The following TCF7L2 variants were observed in gnomAD, a reference collection of about 807,000 sequenced individuals.
TCF7L2 encodes the protein transcription factor 7-like 2.
In TCF7L2, 23 loss-of-function variants were observed where a neutral mutation model predicts 77.9. The observed-to-expected ratio is 0.30, with a 90% CI of 0.21 to 0.42. The LOEUF is 0.42. TCF7L2 is among the 10% of genes least tolerant of loss of function. The probability of loss-of-function intolerance (pLI) is 1.00; values close to 1 mark genes in which losing one functional copy is unlikely to be tolerated. For missense variants in TCF7L2, 654 were observed against 793.1 expected (o/e 0.82, Z 2.11); for synonymous variants, 413 against 340.2 (o/e 1.21, Z -2.36).
At chr10:113,000,451 T>TA (rs1453321832) in intron 4 of TCF7L2, among the ~76,000 whole-genome samples, 2 of 152,146 alleles carry the variant, frequency 1.3e-5, no homozygotes, top group African/African-American at 2.4e-5. Context: ...GAGTGGGTCA[T>TA]AGTATGGCCG....
At chr10:112,951,666 G>T (rs939954480) in intron 3 of TCF7L2, 59 bp downstream of exon 3, 3 of 1,020,026 alleles carry the variant, frequency 2.9e-6, no homozygotes, top group Non-Finnish European at 1.2e-6. Flanking sequence ...CGCCCGCCGG[G>T]CCCCGCATGC....
At chr10:113,086,837 T>C (rs1184674261) in intron 5 of TCF7L2, among the ~76,000 whole-genome samples, 1 of 152,182 alleles carries the variant, frequency 6.6e-6, no homozygotes, top group African/African-American at 2.4e-5. Flanking sequence ...TTGAACTTTT[T>C]GTAAGACATC....
At chr10:113,003,610 C>G (rs1211604451) in intron 4 of TCF7L2, among the ~76,000 whole-genome samples, 2 of 152,238 alleles carry the variant, frequency 1.3e-5, no homozygotes, top group Non-Finnish European at 2.9e-5. Flanking sequence ...AGAGGGAACT[C>G]ATCTATCAAG....
intron 12 of TCF7L2, among the ~76,000 whole-genome samples, chr10:113,159,535 T>C (rs1283309133): frequency 6.6e-6 from 1 of 151,990 alleles, no homozygotes; most frequent in Non-Finnish European, 1.5e-5. Flanking sequence ...AGAAAAAAAA[T>C]TGAGAGAAAA....
chr10:113,158,562 A>G, intron 12 of TCF7L2, 105 bp from the exon 13 acceptor site: 1 of 1,106,402 alleles, frequency 9.0e-7, no homozygotes, highest in Non-Finnish European at 1.3e-6. Flanking sequence ...GAAATTAGAA[A>G]TACTGCATAG....
chr10:113,117,938 A>G (rs916272417), intron 5 of TCF7L2, among the ~76,000 whole-genome samples: 2 of 151,550 alleles, frequency 1.3e-5, no homozygotes, highest in African/African-American at 2.4e-5. Flanking sequence ...TACGGCACAC[A>G]AAGCGGGCAC....
intron 4 of TCF7L2, among the ~76,000 whole-genome samples, chr10:113,001,520 T>TC (rs2044476890): frequency 6.6e-6 from 1 of 152,084 alleles, no homozygotes; most frequent in African/African-American, 2.4e-5. Flanking sequence ...TTTTTTTTTT[T>TC]CCCTTCTCTT....
intron 7 of TCF7L2, among the ~76,000 whole-genome samples, chr10:113,145,107 C>T (rs928523145): frequency 7.2e-6 from 1 of 139,826 alleles, no homozygotes; most frequent in African/African-American, 2.5e-5. Flanking sequence ...TAGATAGATT[C>T]TATGCTGTTT....
chr10:113,089,279 A>G lies in TCF7L2; in HGVS notation c.552+49153A>G, dbSNP rs530450783. On this transcript the variant is annotated intron_variant, in intron 5 of 13. Transcript: ENST00000627217. ...TGCTGGGAACTGTAATCCCTCTATCATGGAGCTTCTATAGAAATGTGGGTT... is the reference window on the plus strand; with the variant it reads ...TGCTGGGAACTGTAATCCCTCTATCGTGGAGCTTCTATAGAAATGTGGGTT... The G allele has an allele frequency of 9.7e-6, 11 of 1,137,352 alleles. No individual in the cohort carries two copies. In the African/African-American group the frequency reaches 1.7e-4, roughly 18 times the overall value. 70.5% of individuals were successfully genotyped at this position (1,137,352 alleles called of 1,614,324 possible). A position where few individuals can be genotyped will look rare whatever the true frequency, so the allele number is the denominator to read the frequency against.
chr10:112,964,526 A>C (rs780459530), intron 3 of TCF7L2, 30 bp from the exon 4 acceptor site: 2 of 1,605,258 alleles, frequency 1.2e-6, no homozygotes, highest in Admixed American at 3.3e-5. Flanking sequence ...TGACATAAGC[A>C]GAACGCTTTG....
intron 5 of TCF7L2, among the ~76,000 whole-genome samples, chr10:113,109,232 T>G (rs879810092): frequency 1.3e-5 from 2 of 152,130 alleles, no homozygotes; most frequent in Non-Finnish European, 2.9e-5. Context: ...GGAGTTAGGG[T>G]CAGAAGACCT....
At chr10:113,161,265 G>A (rs1189022993) in intron 13 of TCF7L2, 2 of 403,528 alleles carry the variant, frequency 5.0e-6, no homozygotes, top group Admixed American at 4.1e-5. Flanking sequence ...GGCATTGAAC[G>A]GCATGCACCA....
At position 113,026,142 on chromosome 10, in the gene TCF7L2, G is replaced by A. The variant is rs141472209; in HGVS notation, c.451-13883G>A. On this transcript the variant is annotated intron_variant, in intron 4 of 13. Coordinates refer to ENST00000627217, the MANE Select transcript of TCF7L2 (RefSeq NM_001146274.2). ...GATCTAACCACCTCGGCCTCCAGAA[G>A]TGCTGGGATTACAGGCGTGAGCCAC... 9.9e-3 allele frequency among the ~76,000 whole-genome samples: 1,504 copies of A among 152,014 alleles called. 24 individuals carry two copies. The highest frequency in any genetic ancestry group is 0.034 in the African/African-American group (1,427 of 41,438).
chr10:113,109,547 C>G (rs112177459), intron 5 of TCF7L2, among the ~76,000 whole-genome samples: 2 of 152,102 alleles, frequency 1.3e-5, no homozygotes, highest in Admixed American at 6.6e-5. Flanking sequence ...CCTGCCACCA[C>G]GCCCAGCTAA....
chr10:113,095,595 T>C (rs1023606341), intron 5 of TCF7L2, among the ~76,000 whole-genome samples: 6 of 152,206 alleles, frequency 3.9e-5, no homozygotes, highest in South Asian at 2.1e-4. Flanking sequence ...ACTCTACTTA[T>C]CAGATGCAGA....
At chr10:113,019,609 T>C (rs1160432651) in intron 4 of TCF7L2, among the ~76,000 whole-genome samples, 3 of 152,088 alleles carry the variant, frequency 2.0e-5, no homozygotes, top group Admixed American at 6.5e-5. Flanking sequence ...AAACTGAAAA[T>C]ATGTTTTAAA....
intron 4 of TCF7L2, among the ~76,000 whole-genome samples, chr10:113,030,702 C>G (rs552097444): frequency 6.6e-6 from 1 of 152,216 alleles, no homozygotes; most frequent in Non-Finnish European, 1.5e-5. Flanking sequence ...CTGTCTTGCT[C>G]TGTCTGCTGA....
intron 4 of TCF7L2, among the ~76,000 whole-genome samples, chr10:113,005,200 C>G (rs12266632): frequency 0.06 from 9,164 of 152,256 alleles, 291 homozygotes; most frequent in African/African-American, 0.067. Context: ...TGGTCTACCA[C>G]GCCGCCTGAT....
intron 5 of TCF7L2, among the ~76,000 whole-genome samples, chr10:113,090,755 C>T (rs370614014): frequency 3.4e-5 from 5 of 149,218 alleles, no homozygotes; most frequent in South Asian, 2.2e-4. Flanking sequence ...ACTACAGGTG[C>T]GCGCCACCAA....
Sources: allele counts gnomAD v4.1 joint callset (sites outside exome capture counted in the v4.1 genomes callset), GRCh38; gene constraint gnomAD v4.1.1; transcripts MANE v1.5; gene names NCBI Gene and HGNC (gene_info 2026-07-23, HGNC 2026-07-21).